ALS2: variants seen among roughly 807,000 people sequenced by gnomAD.
ALS2 encodes alsin Rho guanine nucleotide exchange factor ALS2, also known as alsin.
Under a neutral mutation model 203.4 loss-of-function variants are expected in ALS2, and 117 were observed. That is an observed-to-expected ratio of 0.58 (90% CI 0.50 to 0.67). ALS2 has a LOEUF of 0.67. Among genes scored for constraint, ALS2 ranks in the 30% least tolerant of loss-of-function variants. ALS2 has a pLI of 0.00. For missense variants in ALS2, 1,715 were observed against 1,989.4 expected (o/e 0.86, Z 2.62); for synonymous variants, 718 against 725.9 (o/e 0.99, Z 0.17).
intron 3 of ALS2, among the ~76,000 whole-genome samples, chr2:201,764,634 AAAAT>A (rs201734315): frequency 0.19 from 27,212 of 142,062 alleles, 2,755 homozygotes; most frequent in East Asian, 0.31. Context: ...ACTCCGTCTC[AAAAT>A]AAATAAATAA....
chr2:201,726,537 CT>C lies in ALS2; in HGVS notation c.3194del (p.Lys1065SerfsTer30). On this transcript the variant is annotated frameshift_variant, in exon 19 of 34. Coordinates refer to ENST00000264276, the MANE Select transcript of ALS2 (RefSeq NM_020919.4). LOFTEE classifies it high-confidence loss of function. ...CAGAATACATCTTTCCATCAGGCCACTTCAAAACCCCTCTGGAATGCATAAG... is the reference window on the plus strand; with the variant it reads ...CAGAATACATCTTTCCATCAGGCCACTCAAAACCCCTCTGGAATGCATAAG... ...SGKPHGRGVL[K>X]WPDGKMYSGM... 6.2e-7 allele frequency: 1 copy of C among 1,614,142 alleles called. No individual in the cohort carries two copies. The highest frequency in any genetic ancestry group is 8.5e-7 in the Non-Finnish European group (1 of 1,179,972).
Position 201,749,794 on chromosome 2 carries a change from C to A in ALS2, c.1738-5G>T. 1 of 1,612,954 alleles carries A rather than the reference C, an allele frequency of 6.2e-7. No individual in the cohort carries two copies. Among genetic ancestry groups the A allele is most frequent in the Non-Finnish European group, 8.5e-7 (1 of 1,179,090 alleles). On this transcript the variant is annotated splice_region_variant and splice_polypyrimidine_tract_variant and intron_variant, in intron 7 of 33. Coordinates refer to ENST00000264276, the MANE Select transcript of ALS2 (RefSeq NM_020919.4). ...ATTGCTACCCCATGAGTAAACCTAT[C>A]AAAAAAACACAGAAAAGTAGCTAAG...
intron 13 of ALS2, among the ~76,000 whole-genome samples, chr2:201,730,406 A>G (rs1691482617): frequency 6.6e-6 from 1 of 152,208 alleles, no homozygotes; most frequent in Admixed American, 6.5e-5. Flanking sequence ...AGAACTACCA[A>G]TCTCATGAGA....
chr2:201,777,030 T>C (rs1000511760), intron 1 of ALS2, among the ~76,000 whole-genome samples: 3 of 152,198 alleles, frequency 2.0e-5, no homozygotes, highest in Non-Finnish European at 2.9e-5. Flanking sequence ...AGGTATAAAC[T>C]CAAGATAACT....
In ALS2 at chr2:201,761,619, T is replaced by A; in HGVS notation, c.375A>T (p.Val125=). 1 of 1,614,212 alleles carries A rather than the reference T, an allele frequency of 6.2e-7. No homozygotes were observed. The highest frequency in any genetic ancestry group is 8.5e-7 in the Non-Finnish European group (1 of 1,180,038). ...GTTCCGGCACATACTGCTGGTTGGCTACTGCACACTGGCCAGCAGAATTCT... is the reference window on the plus strand; with the variant it reads ...GTTCCGGCACATACTGCTGGTTGGCAACTGCACACTGGCCAGCAGAATTCT... ...WGENSAGQCA[V]ANQQYVPEPN... Residue 125 remains valine, a synonymous_variant, in exon 4 of 34, where the codon GTA becomes GTT. Coordinates refer to ENST00000264276, the MANE Select transcript of ALS2 (RefSeq NM_020919.4).
At chr2:201,706,741 TACA>T in intron 29 of ALS2, 102 bp downstream of exon 29, 1 of 1,177,324 alleles carries the variant, frequency 8.5e-7, no homozygotes, top group South Asian at 1.3e-5. Context: ...AAAAAATAAT[TACA>T]AGCCATATAT....
chr2:201,740,422 T>C (rs1393852680), intron 11 of ALS2, among the ~76,000 whole-genome samples: 1 of 152,148 alleles, frequency 6.6e-6, no homozygotes, highest in Non-Finnish European at 1.5e-5. Context: ...ATCAAAAGCA[T>C]TTTTAAGCAT....
chr2:201,713,971 C>T (rs1690205272), intron 25 of ALS2, among the ~76,000 whole-genome samples: 1 of 152,124 alleles, frequency 6.6e-6, no homozygotes, highest in African/African-American at 2.4e-5. Flanking sequence ...ACATAGCAGG[C>T]TTGAAACTGC....
chr2:201,720,377 T>C (rs781524465), intron 23 of ALS2, among the ~76,000 whole-genome samples: 4 of 151,836 alleles, frequency 2.6e-5, no homozygotes, highest in Non-Finnish European at 5.9e-5. Context: ...CACATGATCA[T>C]CTCAACAGAT....
chr2:201,712,872 C>T, intron 25 of ALS2, among the ~76,000 whole-genome samples: 1 of 152,124 alleles, frequency 6.6e-6, no homozygotes, highest in Non-Finnish European at 1.5e-5. Flanking sequence ...CCACTTCCTT[C>T]TGGCTTCCAA....
chr2:201,773,160 A>G (rs1694488808), intron 1 of ALS2, among the ~76,000 whole-genome samples: 1 of 152,128 alleles, frequency 6.6e-6, no homozygotes, highest in Non-Finnish European at 1.5e-5. Flanking sequence ...GCGAAGGGCC[A>G]ATGATTTATT....
intron 4 of ALS2, among the ~76,000 whole-genome samples, chr2:201,758,866 G>A (rs1365378387): frequency 6.6e-6 from 1 of 152,060 alleles, no homozygotes; most frequent in Non-Finnish European, 1.5e-5. Context: ...TGACATGTAA[G>A]TACTCAAAAC....
chr2:201,773,140 G>A (rs150041754), intron 1 of ALS2, among the ~76,000 whole-genome samples: 2 of 152,144 alleles, frequency 1.3e-5, no homozygotes, highest in South Asian at 2.1e-4. Context: ...GATTACAGGC[G>A]TGAGCCAATG....
At chr2:201,737,636 A>C (rs1436304967) in intron 12 of ALS2, among the ~76,000 whole-genome samples, 2 of 152,166 alleles carry the variant, frequency 1.3e-5, no homozygotes, top group African/African-American at 4.8e-5. Context: ...AAAAGCAAAC[A>C]TGGGGCTGGG....
At chr2:201,713,548 C>G (rs1690177203) in intron 25 of ALS2, among the ~76,000 whole-genome samples, 1 of 152,162 alleles carries the variant, frequency 6.6e-6, no homozygotes, top group South Asian at 2.1e-4. Context: ...ATAATCCATA[C>G]TGATCTATCT....
chr2:201,726,892 A>G (rs41308838), intron 17 of ALS2, 26 bp from the exon 18 acceptor site: 2 of 1,591,564 alleles, frequency 1.3e-6, no homozygotes, highest in Non-Finnish European at 8.6e-7. Flanking sequence ...AACGTCAATA[A>G]GTTTAAGGCA....
At chr2:201,739,421 A>G (rs987360761) in intron 11 of ALS2, among the ~76,000 whole-genome samples, 5 of 152,074 alleles carry the variant, frequency 3.3e-5, no homozygotes, top group Admixed American at 2.6e-4. Context: ...ATTTTCTGTA[A>G]TCTTCACTTC....
chr2:201,769,022 C>T lies in ALS2; in HGVS notation c.-60-77G>A, dbSNP rs961363305. On this transcript the variant is annotated intron_variant, in intron 1 of 33. Transcript: ENST00000264276. ...GACATTAAAAAAAAAAAAAGCAGCC[C>T]TCTAACAAGTGCACATTCACTAGGA... 4.4e-6 allele frequency: 3 copies of T among 680,636 alleles called. No individual in the cohort carries two copies. In the African/African-American group the frequency reaches 5.5e-5, roughly 12 times the overall value. 42.2% of individuals were successfully genotyped at this position (680,636 alleles called of 1,614,324 possible). A position where few individuals can be genotyped will look rare whatever the true frequency, so the allele number is the denominator to read the frequency against.
intron 21 of ALS2, 23 bp downstream of exon 21, chr2:201,724,272 G>T: frequency 2.5e-6 from 4 of 1,606,780 alleles, no homozygotes; most frequent in Non-Finnish European, 3.4e-6. Flanking sequence ...TTAAACTGTG[G>T]GAATAGAAGG....
Sources: gnomAD v4.1 joint callset for allele counts (sites outside exome capture counted in the v4.1 genomes callset) on GRCh38, gnomAD v4.1.1 for gene constraint, MANE v1.5 for transcripts, NCBI Gene and HGNC (gene_info 2026-07-23, HGNC 2026-07-21) for gene names.